TOP3B: variants seen among roughly 807,000 people sequenced by gnomAD.
The protein encoded by TOP3B is DNA topoisomerase III beta.
Under a neutral mutation model 93.9 loss-of-function variants are expected in TOP3B, and 45 were observed. The observed-to-expected ratio is 0.48, with a 90% CI of 0.38 to 0.61. The LOEUF (loss-of-function observed/expected upper bound fraction) is 0.61. TOP3B is among the 20% of genes least tolerant of loss of function. The probability of loss-of-function intolerance (pLI) is 0.00; values close to 1 mark genes in which losing one functional copy is unlikely to be tolerated. For missense variants in TOP3B, 750 were observed against 1,156.1 expected (o/e 0.65, Z 5.09); for synonymous variants, 357 against 472.6 (o/e 0.76, Z 3.17).
rs528061763 is a variant in TOP3B at position 21,970,112 on chromosome 22, G to A, written c.581+98C>T. ...AATCCCCTGTTGCTCATCCTGGCTCGAGGAGGCCTAGGGGCCCCGGAGGGG... is the reference window on the plus strand; with the variant it reads ...AATCCCCTGTTGCTCATCCTGGCTCAAGGAGGCCTAGGGGCCCCGGAGGGG... On this transcript the variant is annotated intron_variant, in intron 6 of 17. Transcript: ENST00000357179. This position sits in a 1 kb window ranked among gnomAD's most constrained non-coding sequence, Gnocchi z 4.4. 2.2e-4 allele frequency: 313 copies of A among 1,400,592 alleles called. 4 individuals are homozygous for A. In the South Asian group the frequency reaches 3.7e-3, roughly 16 times the overall value. 86.8% of individuals were successfully genotyped at this position (1,400,592 alleles called of 1,614,324 possible).
In TOP3B at chr22:21,974,394, C is replaced by A. The variant is rs149374064; in HGVS notation, c.165G>T (p.Thr55=). Residue 55 remains threonine (T), a synonymous_variant, in exon 3 of 18, where the codon ACG becomes ACT. Coordinates refer to ENST00000357179, the MANE Select transcript of TOP3B (RefSeq NM_001282112.2). ...GGGTCATCACGTGACCACAGACAGA[C>A]GTCATCTTGAAGCGCACTGGCTGGC... ...FAGQPVRFKM[T]SVCGHVMTLD... 1 of 1,614,178 alleles carries A rather than the reference C, an allele frequency of 6.2e-7. No individual in the cohort carries two copies. The highest frequency in any genetic ancestry group is 1.1e-5 in the South Asian group (1 of 91,082).
rs757056922 is a variant in TOP3B at position 21,974,527 on chromosome 22, C to G, written c.71-39G>C. 1.9e-6 allele frequency: 3 copies of G among 1,557,846 alleles called. No homozygotes were observed. The African/African-American group carries it at 4.1e-5, about 21-fold the overall frequency. On this transcript the variant is annotated intron_variant, in intron 2 of 17. Coordinates refer to ENST00000357179, the MANE Select transcript of TOP3B (RefSeq NM_001282112.2). ...AGCACAAAGTGACTGGCTGCTTCAG[C>G]TGAGCTGAAGACCCTGTGGAGACCC...
chr22:21,971,617 A>G lies in TOP3B; in HGVS notation c.384+260T>C. ...CCCATTCTGAAACCTGCATCCACCC[A>G]GACAATTTGGCCCCTCCTATGTTCA... is the stretch of plus-strand genomic sequence containing the variant. On this transcript the variant is annotated intron_variant, in intron 5 of 17. Transcript: ENST00000357179. This position sits in a 1 kb window ranked among gnomAD's most constrained non-coding sequence, Gnocchi z 4.6. 1 of 516,638 alleles carries G rather than the reference A, an allele frequency of 1.9e-6. No homozygotes were observed. The highest frequency in any genetic ancestry group is 2.0e-5 in the South Asian group (1 of 50,566). 32.0% of individuals were successfully genotyped at this position (516,638 alleles called of 1,614,324 possible).
Position 21,962,430 on chromosome 22 carries a change from G to A in TOP3B, c.1524C>T (p.Ile508=), listed in dbSNP as rs373131871. 52 of 1,613,372 alleles carry A rather than the reference G, an allele frequency of 3.2e-5. No individual in the cohort carries two copies. Among genetic ancestry groups the A allele is most frequent in the Admixed American group, 6.7e-5 (4 of 60,010 alleles). ...ELITLMEKHG[I]GTDASIPVHI... ...TGGGGCCTGGGCAGGCGCACCCACC[G>A]ATGCCATGCTTCTCCATGAGCGTGA... The change falls in exon 13 of 18, where the codon ATC becomes ATT. Residue 508 remains isoleucine (I), a splice_region_variant and synonymous_variant. Coordinates refer to ENST00000357179, the MANE Select transcript of TOP3B (RefSeq NM_001282112.2).
At chr22:21,979,130 G>C (rs2084560082) in intron 1 of TOP3B, among the ~76,000 whole-genome samples, 2 of 152,080 alleles carry the variant, frequency 1.3e-5, no homozygotes, top group Admixed American at 1.3e-4. Context: ...TAGTTAGATG[G>C]GAGAGTCCAG....
intron 3 of TOP3B, 98 bp from the exon 4 acceptor site, chr22:21,972,816 G>C: frequency 1.0e-6 from 1 of 989,740 alleles, no homozygotes. Context: ...AAATGAGGAG[G>C]GGAAAGCTTG....
chr22:21,959,903 CT>C (rs2071092053), intron 14 of TOP3B, 167 bp from the exon 15 acceptor site: 1 of 909,456 alleles, frequency 1.1e-6, no homozygotes, highest in East Asian at 2.7e-5. Flanking sequence ...CAGGCTGGCT[CT>C]TATGACCCCA....
At position 21,965,375 on chromosome 22, in the gene TOP3B, C is replaced by T. The variant is rs2145846719; in HGVS notation, c.853G>A (p.Val285Met). The change falls in exon 9 of 18, where the codon GTG becomes ATG. Residue 285 changes from valine (V) to methionine (M), a missense_variant and splice_region_variant. By Grantham distance (21) the Val-to-Met change is conservative. This residue lies in a region of TOP3B where 737 missense variants were observed against 933.7 expected (regional missense o/e 0.79). Transcript: ENST00000357179. ...TTTTCTTTCCTGCTTGTGGCCTCCA[C>T]CTGGAAGACAGGACAGTCAATGATT... ...NMTKLEKEAQ[V>M]EATSRKEKAK... The T allele has an allele frequency of 6.3e-7, 1 of 1,599,306 alleles. No individual in the cohort carries two copies. The highest frequency in any genetic ancestry group is 1.1e-5 in the South Asian group (1 of 88,662).
At chr22:21,964,944 A>C (rs1404863722) in intron 9 of TOP3B, 1 of 202,012 alleles carries the variant, frequency 5.0e-6, no homozygotes, top group Non-Finnish European at 9.9e-6. Flanking sequence ...GCTGCCAGAG[A>C]CCACCAGCTT....
intron 1 of TOP3B, 93 bp from the exon 2 acceptor site, chr22:21,975,900 C>G (rs1193074003): frequency 2.3e-6 from 2 of 857,112 alleles, no homozygotes; most frequent in Non-Finnish European, 3.1e-6. Context: ...AAAAACAAGA[C>G]CAACCTGAGG....
chr22:21,967,507 G>A (rs890513765), intron 8 of TOP3B, 96 bp downstream of exon 8: 17 of 913,642 alleles, frequency 1.9e-5, no homozygotes, highest in Middle Eastern at 2.6e-4. Context: ...GGAGAAAGAC[G>A]TGGACTAGGA....
chr22:21,973,018 T>C, intron 3 of TOP3B: 1 of 415,626 alleles, frequency 2.4e-6, no homozygotes, highest in Admixed American at 3.8e-5. Flanking sequence ...TCCGGGACTT[T>C]CCCTGTGGCT....
intron 7 of TOP3B, chr22:21,968,295 A>C (rs1262887085): frequency 3.4e-6 from 1 of 298,406 alleles, no homozygotes; most frequent in East Asian, 6.1e-5. Flanking sequence ...GAATTTTAAA[A>C]AGTTTGAAAG....
intron 10 of TOP3B, 33 bp downstream of exon 10, chr22:21,964,128 C>T (rs1422863597): frequency 1.2e-6 from 2 of 1,613,288 alleles, no homozygotes; most frequent in Admixed American, 1.7e-5. Flanking sequence ...CAGTGACACA[C>T]ACACATGCTG....
intron 1 of TOP3B, among the ~76,000 whole-genome samples, chr22:21,978,417 A>G (rs2071971337): frequency 6.6e-6 from 1 of 152,180 alleles, no homozygotes; most frequent in African/African-American, 2.4e-5. Context: ...CATCTTTACA[A>G]AAAAGCAAAA....
intron 9 of TOP3B, chr22:21,965,059 T>C (rs1458214734): frequency 2.6e-6 from 1 of 390,998 alleles, no homozygotes. Context: ...GGCTGGGGCC[T>C]CTCCCCTCAC....
At position 21,967,713 on chromosome 22, in the gene TOP3B, T is replaced by G; in HGVS notation, c.742A>C (p.Asn248His). 6.2e-7 allele frequency: 1 copy of G among 1,612,748 alleles called. No individual in the cohort carries two copies. The highest frequency in any genetic ancestry group is 1.3e-5 in the African/African-American group (1 of 75,032). ...AGGAGAGATCTGTCTTTGTCAGTGT[T>G]AACCTGCAGGAAAAAGGATAAAGGG... ...ETYWVLQAKVNTDKDRSLLLD... is the reference protein window; with the variant it reads ...ETYWVLQAKVHTDKDRSLLLD... Residue 248 changes from asparagine (N) to histidine (H), a missense_variant, in exon 8 of 18, where the codon AAC becomes CAC. This residue lies in a region of TOP3B where 737 missense variants were observed against 933.7 expected (regional missense o/e 0.79). Transcript: ENST00000357179.
chr22:21,979,814 G>A (rs979561559), intron 1 of TOP3B, among the ~76,000 whole-genome samples: 21 of 152,046 alleles, frequency 1.4e-4, no homozygotes, highest in African/African-American at 5.1e-4. Context: ...GGTGGCAGGC[G>A]CCTGTAGTCC....
At chr22:21,977,566 C>A (rs911058428) in intron 1 of TOP3B, 5 of 150,988 alleles carry the variant, frequency 3.3e-5, no homozygotes, top group Non-Finnish European at 7.4e-5. Flanking sequence ...GGAAAACCAC[C>A]ACGTAAGTAC....
Sources: allele counts gnomAD v4.1 joint callset (sites outside exome capture counted in the v4.1 genomes callset), GRCh38; gene constraint gnomAD v4.1.1; regional missense constraint gnomAD v4.1.1; non-coding constraint Gnocchi (gnomAD v3.1); transcripts MANE v1.5; gene names NCBI Gene and HGNC (gene_info 2026-07-23, HGNC 2026-07-21).